Variants in RANBP2 observed in about 807,000 individuals in gnomAD.
The protein encoded by RANBP2 is E3 SUMO-protein ligase RanBP2.
A neutral mutation model predicts 303.6 loss-of-function variants in RANBP2; 57 were observed. That is an observed-to-expected ratio of 0.19 (90% CI 0.15 to 0.23). RANBP2 has a LOEUF of 0.23. Among genes scored for constraint, RANBP2 ranks in the 10% least tolerant of loss-of-function variants. The pLI is 1.00. For missense variants in RANBP2, 3,138 were observed against 3,780.8 expected (o/e 0.83, Z 4.46); for synonymous variants, 1,167 against 1,301.5 (o/e 0.90, Z 2.23).
At chr2:109,620,437 C>T in the RANBP2 span, among the ~76,000 whole-genome samples, 1 of 152,212 alleles carries the variant, frequency 6.6e-6, no homozygotes, top group Non-Finnish European at 1.5e-5. Context: ...CGTGGTGGCT[C>T]ACGCATGTAA....
Position 108,764,551 on chromosome 2 carries a change from G to A in RANBP2, c.4012G>A (p.Asp1338Asn), listed in dbSNP as rs576467357. ...SHDNKDICKS[D>N]AGNLNFEFQV... ...TGATAACAAGGATATTTGCAAATCT[G>A]ATGCTGGAAACCTGAATTTTGAATT... Residue 1338 changes from aspartate to asparagine, a missense_variant, in exon 20 of 29, where the codon GAT becomes AAT. Asp to Asn is a conservative substitution (Grantham distance 23). This residue lies in a region of RANBP2 where 388 missense variants were observed against 328.5 expected (regional missense o/e 1.18). Coordinates refer to ENST00000283195, the MANE Select transcript of RANBP2 (RefSeq NM_006267.5). 5.0e-6 allele frequency: 8 copies of A among 1,613,934 alleles called. No individual in the cohort carries two copies. In the South Asian group the frequency reaches 7.7e-5, roughly 16 times the overall value.
At chr2:109,404,730 C>A in the RANBP2 span, among the ~76,000 whole-genome samples, 7,290 of 152,192 alleles carry the variant, frequency 0.048, 541 homozygotes, top group African/African-American at 0.16. Context: ...TCTCATTGAC[C>A]TACTGCTTCC....
the RANBP2 span, among the ~76,000 whole-genome samples, chr2:109,620,122 T>G: frequency 6.6e-6 from 1 of 152,360 alleles, no homozygotes; most frequent in African/African-American, 2.4e-5. Context: ...TGACAAATGT[T>G]CTACCCTTGC....
downstream of RANBP2, chr2:108,787,919 A>G (rs182419346): frequency 2.5e-5 from 23 of 919,966 alleles, no homozygotes; most frequent in East Asian, 6.4e-4. Context: ...GATGGTGTCT[A>G]CAAGATTTCT....
chr2:109,659,605 G>A, the RANBP2 span, among the ~76,000 whole-genome samples: 1 of 152,218 alleles, frequency 6.6e-6, no homozygotes, highest in Non-Finnish European at 1.5e-5. Flanking sequence ...AGCAGCTGCT[G>A]AGCAGAAGGA....
the RANBP2 span, among the ~76,000 whole-genome samples, chr2:109,078,615 G>T: frequency 6.7e-6 from 1 of 149,768 alleles, no homozygotes; most frequent in African/African-American, 2.4e-5. Context: ...TGAGGACTAT[G>T]GTTAACAATA....
At chr2:109,688,876 T>TTTCCTTCC in the RANBP2 span, among the ~76,000 whole-genome samples, 4,533 of 147,352 alleles carry the variant, frequency 0.031, 207 homozygotes, top group African/African-American at 0.098. Flanking sequence ...CTACATTTAT[T>TTTCCTTCC]TTCCTTCCTT....
the RANBP2 span, among the ~76,000 whole-genome samples, chr2:108,920,852 C>T: frequency 6.6e-6 from 1 of 152,178 alleles, no homozygotes; most frequent in Non-Finnish European, 1.5e-5. Context: ...GCGCCTGAGC[C>T]ACACAGGAGC....
chr2:109,168,722 G>C, the RANBP2 span, among the ~76,000 whole-genome samples: 1 of 152,196 alleles, frequency 6.6e-6, no homozygotes, highest in African/African-American at 2.4e-5. Context: ...TCTGGCACTG[G>C]CTTCTGAGAG....
At chr2:109,329,392 G>A in the RANBP2 span, among the ~76,000 whole-genome samples, 3 of 152,244 alleles carry the variant, frequency 2.0e-5, no homozygotes, top group Non-Finnish European at 4.4e-5. Context: ...GAATCAAGTG[G>A]ACCTGCAGGT....
chr2:109,128,722 G>T, the RANBP2 span: 40 of 180,678 alleles, frequency 2.2e-4, no homozygotes, highest in Non-Finnish European at 7.0e-5. Context: ...AGGCAGTCGG[G>T]ATAACGCCGC....
chr2:109,145,184 T>G, the RANBP2 span, among the ~76,000 whole-genome samples: 1 of 152,208 alleles, frequency 6.6e-6, no homozygotes, highest in Non-Finnish European at 1.5e-5. Context: ...CCTGCCTTTC[T>G]GCTGCTTCTG....
At chr2:109,000,207 G>A in the RANBP2 span, among the ~76,000 whole-genome samples, 1 of 152,164 alleles carries the variant, frequency 6.6e-6, no homozygotes, top group African/African-American at 2.4e-5. Flanking sequence ...GGATGTAGAT[G>A]ACTCAAGAGC....
At chr2:109,413,154 G>T in the RANBP2 span, among the ~76,000 whole-genome samples, 3 of 152,212 alleles carry the variant, frequency 2.0e-5, no homozygotes, top group Admixed American at 6.5e-5. Context: ...TTGCTCTGTC[G>T]CCCAGGCTGG....
At chr2:109,188,879 C>T in the RANBP2 span, among the ~76,000 whole-genome samples, 110 of 152,162 alleles carry the variant, frequency 7.2e-4, no homozygotes, top group African/African-American at 2.5e-3. Flanking sequence ...TTCGCTTTGC[C>T]GGGGCATTGT....
At chr2:108,893,429 C>T in the RANBP2 span, among the ~76,000 whole-genome samples, 1 of 152,130 alleles carries the variant, frequency 6.6e-6, no homozygotes, top group Non-Finnish European at 1.5e-5. Context: ...TAGTCACCAT[C>T]AAATCCCTCC....
At chr2:109,166,462 A>G in the RANBP2 span, among the ~76,000 whole-genome samples, 1 of 151,108 alleles carries the variant, frequency 6.6e-6, no homozygotes, top group African/African-American at 2.4e-5. Context: ...GGTGACAGAA[A>G]AAAAAAAAAA....
Position 108,736,101 on chromosome 2 carries a change from T to G in RANBP2, c.637-3T>G. The G allele has an allele frequency of 6.2e-7, 1 of 1,611,804 alleles. No individual in the cohort carries two copies. Among genetic ancestry groups the G allele is most frequent in the Non-Finnish European group, 8.5e-7 (1 of 1,179,776 alleles). On this transcript the variant is annotated splice_polypyrimidine_tract_variant and splice_region_variant and intron_variant, in intron 5 of 28. Transcript: ENST00000283195. ...GTAACTTACTGTTCATTCCACAAAA[T>G]AGGAATATCTGGAGTCTTTACAGTG... is the stretch of plus-strand genomic sequence containing the variant.
chr2:109,172,004 A>G, the RANBP2 span, among the ~76,000 whole-genome samples: 5 of 152,202 alleles, frequency 3.3e-5, no homozygotes, highest in South Asian at 2.1e-4. Context: ...CCGTTTCCCA[A>G]TAAAAGGCAG....
Sources: allele counts gnomAD v4.1 joint callset (sites outside exome capture counted in the v4.1 genomes callset), GRCh38; gene constraint gnomAD v4.1.1; regional missense constraint gnomAD v4.1.1; transcripts MANE v1.5; gene names NCBI Gene and HGNC (gene_info 2026-07-23, HGNC 2026-07-21).